GPR158: variants seen among roughly 807,000 people sequenced by gnomAD.
GPR158 encodes G protein-coupled receptor 158.
GPR158 carries 30 observed loss-of-function variants against 78.2 expected under a neutral mutation model. That is an observed-to-expected ratio of 0.38 (90% CI 0.29 to 0.52). The LOEUF is 0.52. Among genes scored for constraint, GPR158 ranks in the 20% least tolerant of loss-of-function variants. The pLI is 0.83. For synonymous variants in GPR158, 581 were observed against 591.1 expected, an observed-to-expected ratio of 0.98 and a Z score of 0.25; for missense variants, 1,463 against 1,523.5, an observed-to-expected ratio of 0.96 and a Z score of 0.66.
At chr10:25,250,439 T>C (rs927889213) in intron 2 of GPR158, among the ~76,000 whole-genome samples, 6 of 147,458 alleles carry the variant, frequency 4.1e-5, no homozygotes, top group African/African-American at 1.5e-4. Flanking sequence ...TGCTTTCTCT[T>C]GTGGGCATTT....
intron 2 of GPR158, among the ~76,000 whole-genome samples, chr10:25,338,465 T>TAATA (rs1429464435): frequency 2.0e-4 from 27 of 137,060 alleles, no homozygotes; most frequent in African/African-American, 8.1e-4. Flanking sequence ...ATATATTACG[T>TAATA]ATATTATACG....
At chr10:25,437,066 T>C (rs1013927247) in intron 4 of GPR158, among the ~76,000 whole-genome samples, 7 of 152,182 alleles carry the variant, frequency 4.6e-5, no homozygotes, top group African/African-American at 1.7e-4. Context: ...AGGCCTAATA[T>C]AAGCTTATCA....
chr10:25,550,993 T>G lies in GPR158; in HGVS notation c.1422T>G (p.Phe474Leu). ...TCCCACAGGTTGTTATTTTGTACTT[T>G]GAGCCAAGCACATTTCGCTGTATTC... ...LLYFPVVILYFEPSTFRCILL... is the reference protein window; with the variant it reads ...LLYFPVVILYLEPSTFRCILL... The change falls in exon 6 of 11, where the codon TTT (phenylalanine) becomes TTG (leucine). Residue 474 changes from phenylalanine to leucine, a missense_variant. Transcript: ENST00000376351. The G allele has an allele frequency of 6.2e-7, 1 of 1,601,682 alleles. No individual in the cohort carries two copies. The highest frequency in any genetic ancestry group is 8.6e-7 in the Non-Finnish European group (1 of 1,168,756).
intron 4 of GPR158, among the ~76,000 whole-genome samples, chr10:25,422,012 C>A (rs753919695): frequency 2.4e-4 from 36 of 152,100 alleles, no homozygotes; most frequent in Non-Finnish European, 3.7e-4. Context: ...TGACTTTTGG[C>A]CAATATTTTC....
intron 2 of GPR158, among the ~76,000 whole-genome samples, chr10:25,227,140 G>A (rs1853384908): frequency 2.0e-5 from 3 of 152,098 alleles, no homozygotes; most frequent in African/African-American, 4.8e-5. Context: ...AGAGATTCTC[G>A]AATTGTTTCA....
chr10:25,462,832 G>A (rs1299467267), intron 4 of GPR158, among the ~76,000 whole-genome samples: 2 of 152,202 alleles, frequency 1.3e-5, no homozygotes, highest in East Asian at 3.8e-4. Context: ...GAGCAAACAA[G>A]TAGTTTTTTC....
At chr10:25,306,714 G>A (rs559099481) in intron 2 of GPR158, among the ~76,000 whole-genome samples, 8 of 152,214 alleles carry the variant, frequency 5.3e-5, no homozygotes, top group African/African-American at 1.4e-4. Context: ...AATGTGTCAT[G>A]CATGCCAGAA....
intron 2 of GPR158, among the ~76,000 whole-genome samples, chr10:25,363,861 C>T (rs1855677860): frequency 6.6e-6 from 1 of 151,952 alleles, no homozygotes; most frequent in African/African-American, 2.4e-5. Flanking sequence ...TGACTGACAA[C>T]TTTATTACAT....
chr10:25,489,075 G>A (rs542671507), intron 5 of GPR158, among the ~76,000 whole-genome samples: 1 of 152,202 alleles, frequency 6.6e-6, no homozygotes, highest in African/African-American at 2.4e-5. Flanking sequence ...AGTCAGGGGA[G>A]AAAAGTAGAC....
intron 1 of GPR158, among the ~76,000 whole-genome samples, chr10:25,181,325 A>G (rs2130628514): frequency 6.6e-6 from 1 of 152,310 alleles, no homozygotes; most frequent in South Asian, 2.1e-4. Flanking sequence ...TAAATGAAGA[A>G]CTGTCATCAC....
intron 3 of GPR158, among the ~76,000 whole-genome samples, chr10:25,401,996 C>T (rs542151668): frequency 2.0e-4 from 30 of 152,062 alleles, no homozygotes; most frequent in Non-Finnish European, 3.7e-4. Context: ...AAGTATCTCT[C>T]CACAAATTAC....
At chr10:25,305,932 G>A (rs1854670869) in intron 2 of GPR158, among the ~76,000 whole-genome samples, 1 of 152,128 alleles carries the variant, frequency 6.6e-6, no homozygotes, top group African/African-American at 2.4e-5. Context: ...GTGAATCTAA[G>A]TTATTACAAG....
intron 2 of GPR158, among the ~76,000 whole-genome samples, chr10:25,334,721 T>C (rs1055802909): frequency 2.6e-5 from 4 of 151,988 alleles, no homozygotes; most frequent in Non-Finnish European, 5.9e-5. Flanking sequence ...GGTATCAGTA[T>C]TACCTCCTTT....
chr10:25,204,822 T>TTTG (rs1233491006), intron 1 of GPR158, among the ~76,000 whole-genome samples: 6 of 150,224 alleles, frequency 4.0e-5, no homozygotes, highest in Non-Finnish European at 5.9e-5. Flanking sequence ...CTGAGGGTTT[T>TTTG]TTTTTTTTTT....
At chr10:25,225,548 C>T (rs1479316650) in intron 2 of GPR158, among the ~76,000 whole-genome samples, 1 of 152,030 alleles carries the variant, frequency 6.6e-6, no homozygotes, top group Non-Finnish European at 1.5e-5. Flanking sequence ...TAATCCAAGT[C>T]CTACATAAAA....
At chr10:25,204,019 A>G (rs1286283249) in intron 1 of GPR158, among the ~76,000 whole-genome samples, 5 of 110,856 alleles carry the variant, frequency 4.5e-5, no homozygotes, top group Non-Finnish European at 1.8e-5. Flanking sequence ...CTTTTTAGCA[A>G]TTGTGAATGG....
intron 6 of GPR158, among the ~76,000 whole-genome samples, chr10:25,565,312 G>GCC (rs1836914926): frequency 3.3e-5 from 5 of 152,156 alleles, no homozygotes; most frequent in Non-Finnish European, 5.9e-5. Flanking sequence ...GTGATAATTG[G>GCC]AGAAAATTTT....
intron 2 of GPR158, among the ~76,000 whole-genome samples, chr10:25,258,233 G>A (rs1853917060): frequency 6.6e-6 from 1 of 152,140 alleles, no homozygotes. Context: ...CATAAAGCAT[G>A]CATGCATACC....
intron 1 of GPR158, among the ~76,000 whole-genome samples, chr10:25,213,572 A>AT (rs1037348013): frequency 2.7e-3 from 400 of 148,400 alleles, no homozygotes; most frequent in Non-Finnish European, 4.7e-3. Flanking sequence ...AGGTGGCTGC[A>AT]TTTTTTTTTT....
Sources: allele counts gnomAD v4.1 joint callset (sites outside exome capture counted in the v4.1 genomes callset), GRCh38; gene constraint gnomAD v4.1.1; transcripts MANE v1.5; gene names NCBI Gene and HGNC (gene_info 2026-07-23, HGNC 2026-07-21).